TET3: variants seen among roughly 807,000 people sequenced by gnomAD.
TET3 encodes the protein methylcytosine dioxygenase TET3.
In TET3, 19 loss-of-function variants were observed where a neutral mutation model predicts 141.4. The ratio of observed to expected loss-of-function variants is 0.13; its 90% CI spans 0.09 to 0.20. The LOEUF is 0.20. TET3 is among the 10% of genes least tolerant of loss of function. The pLI, the probability that TET3 is intolerant of heterozygous loss-of-function variation, is 1.00. For synonymous variants in TET3, 1,043 were observed against 980.9 expected (o/e 1.06, Z -1.18); for missense variants, 1,874 against 2,356.9 (o/e 0.80, Z 4.24).
intron 5 of TET3, among the ~76,000 whole-genome samples, chr2:74,076,413 TAGAACCTATTC>T (rs1442313716): frequency 2.8e-5 from 4 of 143,230 alleles, no homozygotes; most frequent in Non-Finnish European, 4.6e-5. Context: ...CTTTGGCCCA[TAGAACCTATTC>T]AGGTTCATTC....
intron 3 of TET3, among the ~76,000 whole-genome samples, chr2:74,004,755 C>CTACA (rs1243470406): frequency 6.6e-6 from 1 of 152,156 alleles, no homozygotes; most frequent in Non-Finnish European, 1.5e-5. Flanking sequence ...TTGGCTCTCA[C>CTACA]TACACACTCT....
At chr2:74,024,772 A>G (rs1351894644) in intron 3 of TET3, among the ~76,000 whole-genome samples, 1 of 152,162 alleles carries the variant, frequency 6.6e-6, no homozygotes, top group Non-Finnish European at 1.5e-5. Context: ...CTCTTTTAAA[A>G]AATATTTTTT....
At chr2:74,065,434 A>G (rs192010411) in intron 4 of TET3, among the ~76,000 whole-genome samples, 4 of 152,112 alleles carry the variant, frequency 2.6e-5, no homozygotes, top group Non-Finnish European at 5.9e-5. Context: ...CTCACCCCAG[A>G]TCATTCTTTG....
At chr2:74,072,163 A>G (rs533461732) in intron 4 of TET3, among the ~76,000 whole-genome samples, 1 of 152,308 alleles carries the variant, frequency 6.6e-6, no homozygotes, top group South Asian at 2.1e-4. Context: ...TATTCTGAGT[A>G]TTTCATATAA....
At position 74,099,393 on chromosome 2, in the gene TET3, A is replaced by G. The variant is rs1169104897; in HGVS notation, c.3385A>G (p.Asn1129Asp). Residue 1129 changes from asparagine to aspartate, a missense_variant, in exon 11 of 12, where the codon AAC becomes GAC. Asn to Asp is a conservative substitution (Grantham distance 23). Coordinates refer to ENST00000409262, the MANE Select transcript of TET3 (RefSeq NM_001287491.2). ...CACGGATGAGTTTGGTAGCGAGGAG[A>G]ACCAGAATGCAAAGGTGGGCAGCGG... ...ANTDEFGSEE[N>D]QNAKVGSGAI... The G allele has an allele frequency of 1.2e-6, 2 of 1,613,952 alleles. No homozygotes were observed. Among genetic ancestry groups the G allele is most frequent in the Non-Finnish European group, 1.7e-6 (2 of 1,179,878 alleles).
chr2:74,090,070 C>A, intron 8 of TET3, 23 bp downstream of exon 8: 1 of 1,610,954 alleles, frequency 6.2e-7, no homozygotes, highest in Non-Finnish European at 8.5e-7. Context: ...GGGCGGGGAC[C>A]CTGCCTCCCA....
chr2:74,001,818 C>T (rs1041896940), intron 2 of TET3, among the ~76,000 whole-genome samples: 2 of 152,150 alleles, frequency 1.3e-5, no homozygotes, highest in African/African-American at 4.8e-5. Flanking sequence ...ACCTCCCCTC[C>T]TCTGCCTTTC....
At chr2:74,050,675 G>C (rs910867949) in intron 4 of TET3, among the ~76,000 whole-genome samples, 1 of 151,700 alleles carries the variant, frequency 6.6e-6, no homozygotes, top group Non-Finnish European at 1.5e-5. Flanking sequence ...TCAGTCTCCC[G>C]AGTAGCTGGA....
At chr2:74,097,031 T>C (rs1336521107) in intron 10 of TET3, among the ~76,000 whole-genome samples, 6 of 150,170 alleles carry the variant, frequency 4.0e-5, no homozygotes, top group Admixed American at 2.0e-4. Flanking sequence ...AGGTTGAGAC[T>C]GCAGTGAGCC....
intron 4 of TET3, among the ~76,000 whole-genome samples, chr2:74,058,348 G>A (rs962964552): frequency 6.6e-6 from 1 of 152,108 alleles, no homozygotes; most frequent in East Asian, 1.9e-4. Flanking sequence ...CGGTGTTCTC[G>A]GCGAACAGTG....
In TET3 at chr2:74,100,587, C is replaced by T; in HGVS notation, c.3799C>T (p.Pro1267Ser). ...VYSYHSYYAQ[P>S]SLTSVNGFHS... ...CTCCTACCACTCCTACTATGCACAG[C>T]CCAGCCTGACCTCCGTCAATGGCTT... The change falls in exon 12 of 12, where the codon CCC becomes TCC. Residue 1267 changes from proline to serine, a missense_variant. Pro to Ser is a moderately conservative substitution (Grantham distance 74). This residue lies in a region of TET3 where 602 missense variants were observed against 590.2 expected (regional missense o/e 1.02). Coordinates refer to ENST00000409262, the MANE Select transcript of TET3 (RefSeq NM_001287491.2). 1 of 1,613,788 alleles carries T rather than the reference C, an allele frequency of 6.2e-7. No individual in the cohort carries two copies. The highest frequency in any genetic ancestry group is 1.3e-5 in the African/African-American group (1 of 75,066).
At chr2:74,010,670 G>C (rs1411229219) in intron 3 of TET3, among the ~76,000 whole-genome samples, 1 of 152,250 alleles carries the variant, frequency 6.6e-6, no homozygotes, top group East Asian at 1.9e-4. Flanking sequence ...TGAATGTGCA[G>C]TCAGAGTTGA....
intron 6 of TET3, among the ~76,000 whole-genome samples, chr2:74,082,612 A>G (rs1482231792): frequency 2.0e-5 from 3 of 151,466 alleles, no homozygotes; most frequent in South Asian, 2.1e-4. Context: ...TCACAGAACT[A>G]TTGTAGTGGC....
chr2:74,055,601 T>G (rs1340095091), intron 4 of TET3, among the ~76,000 whole-genome samples: 1 of 152,352 alleles, frequency 6.6e-6, no homozygotes, highest in East Asian at 1.9e-4. Context: ...CAGCGTTAAG[T>G]CCACTAAAAT....
intron 3 of TET3, among the ~76,000 whole-genome samples, chr2:74,020,845 C>T (rs1174517220): frequency 6.6e-6 from 1 of 152,214 alleles, no homozygotes; most frequent in African/African-American, 2.4e-5. Flanking sequence ...AGCAGTTGTG[C>T]ATCTGGTTCA....
At chr2:74,088,743 T>C (rs1468286154) in intron 7 of TET3, among the ~76,000 whole-genome samples, 1 of 152,134 alleles carries the variant, frequency 6.6e-6, no homozygotes, top group Non-Finnish European at 1.5e-5. Flanking sequence ...GTATATAGTT[T>C]TGACAAATGT....
chr2:74,014,820 T>C (rs922361236), intron 3 of TET3, among the ~76,000 whole-genome samples: 27 of 152,150 alleles, frequency 1.8e-4, no homozygotes, highest in Non-Finnish European at 2.2e-4. Flanking sequence ...CTAGAAAATA[T>C]GGTCCAGTTG....
At position 74,071,132 on chromosome 2, in the gene TET3, C is replaced by T. The variant is rs962725439; in HGVS notation, c.2495-2417C>T. On this transcript the variant is annotated intron_variant, in intron 4 of 11. Transcript: ENST00000409262. ...GACAGCCACCTCCTCGCTATATCTT[C>T]ACATAGGAGAGGAGAGGGAAAGGGG... 2.6e-4 allele frequency among the ~76,000 whole-genome samples: 40 copies of T among 152,190 alleles called. 1 individual carries two copies. The highest frequency in any genetic ancestry group is 6.2e-4 in the South Asian group (3 of 4,826).
At chr2:74,120,148 G>C in the TET3 span, among the ~76,000 whole-genome samples, 1 of 152,220 alleles carries the variant, frequency 6.6e-6, no homozygotes, top group East Asian at 1.9e-4. Context: ...GGGTGCTCCC[G>C]GAAGGACGCT....
Sources: gnomAD v4.1 joint callset for allele counts (sites outside exome capture counted in the v4.1 genomes callset) on GRCh38, gnomAD v4.1.1 for gene constraint, gnomAD v4.1.1 regional missense constraint, MANE v1.5 for transcripts, NCBI Gene and HGNC (gene_info 2026-07-23, HGNC 2026-07-21) for gene names.